HDAC3: variants seen among roughly 807,000 people sequenced by gnomAD.
The protein encoded by HDAC3 is SMAP45.
HDAC3 carries 21 observed loss-of-function variants against 62.3 expected under a neutral mutation model. The observed-to-expected ratio is 0.34, with a 90% confidence interval of 0.24 to 0.49. The LOEUF (loss-of-function observed/expected upper bound fraction) is 0.49, where lower values mean the gene tolerates loss of function less well. Ranked by LOEUF, HDAC3 falls within the 20% of genes least tolerant of loss-of-function variation. The probability of loss-of-function intolerance (pLI) is 0.99; values close to 1 mark genes in which losing one functional copy is unlikely to be tolerated. For synonymous variants in HDAC3, 198 were observed against 206.5 expected (o/e 0.96, Z 0.35); for missense variants, 270 against 556.9 (o/e 0.48, Z 5.19).
At chr5:141,623,340 C>T (rs1477944181) in intron 14 of HDAC3, among the ~76,000 whole-genome samples, 1 of 152,086 alleles carries the variant, frequency 6.6e-6, no homozygotes, top group Non-Finnish European at 1.5e-5. Context: ...CAAGCTGGAG[C>T]TATAGGCATC....
At chr5:141,635,033 C>A in intron 2 of HDAC3, 80 bp from the exon 3 acceptor site, 1 of 1,447,190 alleles carries the variant, frequency 6.9e-7, no homozygotes, top group South Asian at 1.3e-5. Context: ...TGAACCCAGT[C>A]CTGGAGACTA....
intron 14 of HDAC3, among the ~76,000 whole-genome samples, chr5:141,624,046 T>A (rs56108899): frequency 0.21 from 27,999 of 135,672 alleles, 4,098 homozygotes; most frequent in African/African-American, 0.44. Context: ...TAAAGACTTT[T>A]AAAAAAAAAA....
chr5:141,630,934 G>A lies in HDAC3; in HGVS notation c.282-809C>T, dbSNP rs561464032. Among the ~76,000 whole-genome samples, 21 of 147,144 alleles carry A rather than the reference G, an allele frequency of 1.4e-4. No individual in the cohort carries two copies. The South Asian group carries it at 3.7e-3, about 26-fold the overall frequency. On this transcript the variant is annotated intron_variant, in intron 3 of 14. Transcript: ENST00000305264. ...ACTCCTGGGCCTAAGTGATCCTCCC[G>A]CCTTGGCCTCCCAAATTGTTGGGAC...
In HDAC3 at chr5:141,629,270, G is replaced by A. The variant is rs746363805; in HGVS notation, c.513C>T (p.Ile171=). The change falls in exon 7 of 15, where the codon ATC becomes ATT. Residue 171 remains isoleucine, a synonymous_variant. Transcript: ENST00000305264. The surrounding 1 kb of genome is among the most constrained non-coding windows in gnomAD (Gnocchi z 5.3). ...CTTCTTGAACCCCGTCACCATGGTG[G>A]ATGTCAATGTCAATGTAGAGCACCC... The part of the protein sequence containing the change: ...HPRVLYIDID[I]HHGDGVQEAF... 1.2e-6 allele frequency: 2 copies of A among 1,614,072 alleles called. No individual in the cohort carries two copies. The highest frequency in any genetic ancestry group is 3.3e-5 in the Admixed American group (2 of 60,002).
In HDAC3 at chr5:141,628,165, C is replaced by A. The variant is rs374679626; in HGVS notation, c.714G>T (p.Pro238=). The A allele has an allele frequency of 1.2e-6, 2 of 1,613,952 alleles. No homozygotes were observed. The highest frequency in any genetic ancestry group is 2.7e-5 in the African/African-American group (2 of 74,872). The change falls in exon 9 of 15, where the codon CCG becomes CCT. Residue 238 remains proline (P), a synonymous_variant. Coordinates refer to ENST00000305264, the MANE Select transcript of HDAC3 (RefSeq NM_003883.4). This position sits in a 1 kb window ranked among gnomAD's most constrained non-coding sequence, Gnocchi z 4.7. ...AGAAGTCCACTACCTGGTTGATAAC[C>A]GGCTGGAAAAGGTGCTTGTAACCTG... The part of the protein sequence containing the change: ...DDQSYKHLFQ[P]VINQVVDFYQ...
In HDAC3 at chr5:141,628,679, A is replaced by G. The variant is rs113444998; in HGVS notation, c.611-40T>C. On this transcript the variant is annotated intron_variant, in intron 7 of 14. Coordinates refer to ENST00000305264, the MANE Select transcript of HDAC3 (RefSeq NM_003883.4). The surrounding 1 kb of genome is among the most constrained non-coding windows in gnomAD (Gnocchi z 4.7). ...GTGGTGGTAGCCACACATGGGAAGC[A>G]CCCACAACCCAGCTGTTTCAGCCCC... 6.7e-7 allele frequency: 1 copy of G among 1,496,596 alleles called. No homozygotes were observed. The highest frequency in any genetic ancestry group is 9.3e-7 in the Non-Finnish European group (1 of 1,076,548). 92.7% of individuals were successfully genotyped at this position (1,496,596 alleles called of 1,614,324 possible).
rs1005666 is a variant in HDAC3 at position 141,629,627 on chromosome 5, G to A, written c.476+57C>T. On this transcript the variant is annotated intron_variant, in intron 6 of 14. Transcript: ENST00000305264. The surrounding 1 kb of genome is among the most constrained non-coding windows in gnomAD (Gnocchi z 5.3). ...AGGTCAAGGTCAGGGTTGAGACTGAGAGACCTCCTCAGCCAAGAATCCCGT... is the reference window on the plus strand; with the variant it reads ...AGGTCAAGGTCAGGGTTGAGACTGAAAGACCTCCTCAGCCAAGAATCCCGT... 6.4e-7 allele frequency: 1 copy of A among 1,553,478 alleles called. No individual in the cohort carries two copies. The highest frequency in any genetic ancestry group is 8.9e-7 in the Non-Finnish European group (1 of 1,129,586).
At chr5:141,635,415 G>A (rs2099905820) in intron 2 of HDAC3, among the ~76,000 whole-genome samples, 1 of 152,178 alleles carries the variant, frequency 6.6e-6, no homozygotes, top group African/African-American at 2.4e-5. Flanking sequence ...AACTGCACAA[G>A]AAAGAGCTTT....
intron 14 of HDAC3, among the ~76,000 whole-genome samples, chr5:141,623,987 C>T (rs1230541549): frequency 1.3e-5 from 2 of 151,404 alleles, no homozygotes; most frequent in African/African-American, 4.9e-5. Context: ...ATCCTTTTTC[C>T]CCCCTAATTC....
At chr5:141,633,825 CAAAAAAAAAA>C (rs11291105) in intron 3 of HDAC3, among the ~76,000 whole-genome samples, 1 of 74,010 alleles carries the variant, frequency 1.4e-5, no homozygotes, top group Non-Finnish European at 2.6e-5. Flanking sequence ...GACTCTGTCT[CAAAAAAAAAA>C]AAAAAAAAAA....
At chr5:141,635,630 C>T (rs1263088953) in intron 2 of HDAC3, among the ~76,000 whole-genome samples, 1 of 152,212 alleles carries the variant, frequency 6.6e-6, no homozygotes, top group Non-Finnish European at 1.5e-5. Flanking sequence ...CTTATTTTTT[C>T]TTTTGAGACA....
chr5:141,621,473 T>C lies in HDAC3; in HGVS notation c.1282A>G (p.Ile428Val), dbSNP rs375441269. The part of the protein sequence containing the change: ...HDNDKESDVE[I>V] The stretch of plus-strand genomic sequence containing the variant: ...CACAGCATCCCAAGCCACTCTTAAA[T>C]CTCCACATCGCTTTCCTTGTCATTG... The change falls in exon 15 of 15, where the codon ATT (isoleucine) becomes GTT (valine). Residue 428 changes from isoleucine (I) to valine (V), a missense_variant. By Grantham distance (29) the Ile-to-Val change is conservative (BLOSUM62 3). This residue lies in a region of HDAC3 where 44 missense variants were observed against 64.3 expected (regional missense o/e 0.68). Coordinates refer to ENST00000305264, the MANE Select transcript of HDAC3 (RefSeq NM_003883.4). The C allele has an allele frequency of 1.4e-5, 22 of 1,613,682 alleles. No homozygotes were observed. In the African/African-American group the frequency reaches 2.5e-4, roughly 19 times the overall value.
chr5:141,635,175 C>A (rs2099905774), intron 2 of HDAC3: 6 of 467,952 alleles, frequency 1.3e-5, no homozygotes, highest in African/African-American at 2.0e-5. Flanking sequence ...TCCAGCTCAG[C>A]CTATCGTACC....
chr5:141,621,222 G>A lies in HDAC3; in HGVS notation c.*246C>T. 2 of 472,260 alleles carry A rather than the reference G, an allele frequency of 4.2e-6. No homozygotes were observed. Among genetic ancestry groups the A allele is most frequent in the Admixed American group, 3.9e-5 (1 of 25,814 alleles). The allele number at this position is 472,260 out of a possible 1,614,324, so 29.3% of individuals were successfully genotyped here. A position where few individuals can be genotyped will look rare whatever the true frequency, so the allele number is the denominator to read the frequency against. On this transcript the variant is annotated 3_prime_UTR_variant, in exon 15 of 15. Coordinates refer to ENST00000305264, the MANE Select transcript of HDAC3 (RefSeq NM_003883.4). Reference sequence around the variant, plus strand: ...TAGGGACTGGCCTCCAGGGCCCACTGCCAATAATGTCCCAGATAGCTATCC... The same window carrying A: ...TAGGGACTGGCCTCCAGGGCCCACTACCAATAATGTCCCAGATAGCTATCC...
chr5:141,630,757 T>C (rs1002366861), intron 3 of HDAC3, among the ~76,000 whole-genome samples: 3 of 152,022 alleles, frequency 2.0e-5, no homozygotes, highest in Non-Finnish European at 4.4e-5. Context: ...ATCTTATCAG[T>C]AGTTGGCTGG....
At chr5:141,635,163 C>T (rs893556692) in intron 2 of HDAC3, 6 of 501,708 alleles carry the variant, frequency 1.2e-5, no homozygotes, top group African/African-American at 9.8e-5. Context: ...TTCCTTTCCA[C>T]CTCCAGCTCA....
At chr5:141,632,483 G>A (rs1247042608) in intron 3 of HDAC3, among the ~76,000 whole-genome samples, 1 of 152,180 alleles carries the variant, frequency 6.6e-6, no homozygotes, top group Non-Finnish European at 1.5e-5. Flanking sequence ...TTGTTTGACA[G>A]GAAGACTGAT....
intron 2 of HDAC3, 118 bp from the exon 3 acceptor site, chr5:141,635,071 A>C: frequency 3.1e-6 from 3 of 975,420 alleles, no homozygotes; most frequent in Non-Finnish European, 4.6e-6. Flanking sequence ...CATTCCCCTC[A>C]TCCCACAATC....
Position 141,625,175 on chromosome 5 carries a change from A to T in HDAC3, c.1217+33T>A. Reference sequence around the variant, plus strand: ...CCTTTTAAACCTCCCCAGCAAGCCTATTGAAAGTAGGCTGAAGTCCCTGCT... The same window carrying T: ...CCTTTTAAACCTCCCCAGCAAGCCTTTTGAAAGTAGGCTGAAGTCCCTGCT... On this transcript the variant is annotated intron_variant, in intron 14 of 14. Transcript: ENST00000305264. The surrounding 1 kb of genome is among the most constrained non-coding windows in gnomAD (Gnocchi z 4.0). The T allele has an allele frequency of 6.4e-7, 1 of 1,574,658 alleles. No homozygotes were observed. The highest frequency in any genetic ancestry group is 2.3e-5 in the East Asian group (1 of 44,032).
Sources: allele counts gnomAD v4.1 joint callset (sites outside exome capture counted in the v4.1 genomes callset), GRCh38; gene constraint gnomAD v4.1.1; regional missense constraint gnomAD v4.1.1; non-coding constraint Gnocchi (gnomAD v3.1); transcripts MANE v1.5; gene names NCBI Gene and HGNC (gene_info 2026-07-23, HGNC 2026-07-21).